HS6ST2: variants seen among roughly 807,000 people sequenced by gnomAD.
HS6ST2 encodes heparan sulfate 6-O-sulfotransferase 2.
In HS6ST2, 17 loss-of-function variants were observed where a neutral mutation model predicts 33.0. The observed-to-expected ratio is 0.52, with a 90% CI of 0.35 to 0.77. The LOEUF (loss-of-function observed/expected upper bound fraction) is 0.77, where lower values mean the gene tolerates loss of function less well. HS6ST2 is among the 30% of genes least tolerant of loss of function. The pLI is 0.01. For missense variants in HS6ST2, 519 were observed against 551.7 expected (o/e 0.94, Z 0.59); for synonymous variants, 248 against 237.1 (o/e 1.05, Z -0.42).
chrX:132,957,350 C>G (rs763832187), intron 1 of HS6ST2, 24 bp from the exon 2 acceptor site: 5 of 1,141,861 alleles, frequency 4.4e-6, no homozygotes, highest in Admixed American at 2.8e-5. Flanking sequence ...AAGCTCGTTA[C>G]GTCAATCCCG....
At chrX:132,719,727 G>A (rs1266843532) in intron 2 of HS6ST2, among the ~76,000 whole-genome samples, 1 of 112,088 alleles carries the variant, frequency 8.9e-6, no homozygotes, top group Non-Finnish European at 1.9e-5. Context: ...TTTTGCAATT[G>A]TAAGGAACAT....
intron 2 of HS6ST2, among the ~76,000 whole-genome samples, chrX:132,895,680 T>C (rs969706425): frequency 4.5e-5 from 5 of 111,528 alleles, no homozygotes; most frequent in African/African-American, 9.8e-5. Context: ...TGCTCAATGA[T>C]GATACTGACA....
intron 2 of HS6ST2, among the ~76,000 whole-genome samples, chrX:132,740,120 T>G (rs2064555679): frequency 8.9e-6 from 1 of 112,164 alleles, no homozygotes; most frequent in Non-Finnish European, 1.9e-5. Context: ...CCAGCAGTAG[T>G]GTAGAAAAAC....
chrX:132,637,876 ATATATATATAATATT>A (rs2063569668), intron 4 of HS6ST2, among the ~76,000 whole-genome samples: 1 of 33,759 alleles, frequency 3.0e-5, no homozygotes, highest in African/African-American at 3.5e-4. Context: ...ATTATATATA[ATATATATATAATATT>A]TTATATATAA....
At chrX:132,783,738 T>C (rs1415150042) in intron 2 of HS6ST2, among the ~76,000 whole-genome samples, 1 of 110,709 alleles carries the variant, frequency 9.0e-6, no homozygotes, top group Non-Finnish European at 1.9e-5. Context: ...CAGGAAGCCC[T>C]CTCCAGCAAG....
chrX:132,697,910 A>G (rs1486050189), intron 3 of HS6ST2, among the ~76,000 whole-genome samples: 1 of 111,911 alleles, frequency 8.9e-6, no homozygotes, highest in Admixed American at 9.5e-5. Flanking sequence ...ACGTCACACT[A>G]AAGATGTAAT....
intron 2 of HS6ST2, among the ~76,000 whole-genome samples, chrX:132,753,566 C>T (rs1357939217): frequency 5.3e-5 from 6 of 112,308 alleles, no homozygotes; most frequent in Non-Finnish European, 1.1e-4. Context: ...GACTTTGCTT[C>T]TCCTTTGCCT....
At chrX:132,919,673 C>T (rs1472831375) in intron 2 of HS6ST2, among the ~76,000 whole-genome samples, 1 of 111,680 alleles carries the variant, frequency 9.0e-6, no homozygotes, top group Non-Finnish European at 1.9e-5. Context: ...CATTTTGTCC[C>T]TCACTCTTGA....
chrX:132,858,977 G>A (rs993134679), intron 2 of HS6ST2, among the ~76,000 whole-genome samples: 1 of 112,280 alleles, frequency 8.9e-6, no homozygotes, highest in African/African-American at 3.2e-5. Context: ...TTCTCGGCCA[G>A]GTGTCTTTGT....
At chrX:132,713,313 G>A (rs1298008067) in intron 2 of HS6ST2, among the ~76,000 whole-genome samples, 2 of 111,133 alleles carry the variant, frequency 1.8e-5, no homozygotes, top group South Asian at 3.9e-4. Flanking sequence ...CATACAATAC[G>A]TTTTAGGCAT....
At chrX:132,868,340 CT>C (rs2066015373) in intron 2 of HS6ST2, among the ~76,000 whole-genome samples, 1 of 111,894 alleles carries the variant, frequency 8.9e-6, no homozygotes, top group South Asian at 3.7e-4. Context: ...TAGTGGGAGA[CT>C]TTAACACCTC....
At chrX:132,935,224 T>C (rs1193784292) in intron 2 of HS6ST2, among the ~76,000 whole-genome samples, 3 of 167 alleles carry the variant, frequency 0.018, no homozygotes, top group Non-Finnish European at 0.023. Flanking sequence ...AATGGAGAAA[T>C]AGAAGTCTAA....
chrX:132,689,054 C>G (rs1187033876), intron 3 of HS6ST2, among the ~76,000 whole-genome samples: 1 of 112,193 alleles, frequency 8.9e-6, no homozygotes. Flanking sequence ...TGATCCTCAA[C>G]CCCTTCATTT....
At chrX:132,841,803 A>C (rs754064629) in intron 2 of HS6ST2, among the ~76,000 whole-genome samples, 1 of 112,127 alleles carries the variant, frequency 8.9e-6, no homozygotes, top group Non-Finnish European at 1.9e-5. Context: ...AAAATTAGTC[A>C]ATTATTTTTA....
chrX:132,828,443 T>C lies in HS6ST2; in HGVS notation c.948-119949A>G, dbSNP rs1257996504. On this transcript the variant is annotated intron_variant, in intron 2 of 4. Coordinates refer to ENST00000370833, the MANE Select transcript of HS6ST2 (RefSeq NM_001394073.1). ...GAAATAAAGACTGTGCATATCTTCT[T>C]GAGCCTGCCAATGTAAGGTGGCAGA... Among the ~76,000 whole-genome samples the C allele has an allele frequency of 8.2e-5, 9 of 109,199 alleles. No homozygotes were observed. In the Admixed American group the frequency reaches 8.9e-4, roughly 11 times the overall value. 94.8% of individuals were successfully genotyped at this position (109,199 alleles called of 115,157 possible). A position where few individuals can be genotyped will look rare whatever the true frequency, so the allele number is the denominator to read the frequency against.
chrX:132,637,809 TTATTTTATATATATAATATTATATATA>T lies in HS6ST2; in HGVS notation c.1068-8743_1068-8717del, dbSNP rs1569475888. ...TATTTTATATATATAATATTATATATTATTTTATATATATAATATTATATATAATATTTTATATATAATATATATATA... is the reference window on the plus strand; with the variant it reads ...TATTTTATATATATAATATTATATATATATTTTATATATAATATATATATA... On this transcript the variant is annotated intron_variant, in intron 4 of 4. Coordinates refer to ENST00000370833, the MANE Select transcript of HS6ST2 (RefSeq NM_001394073.1). 1.2e-3 allele frequency among the ~76,000 whole-genome samples: 76 copies of T among 62,693 alleles called. 1 individual carries two copies. Among genetic ancestry groups the T allele is most frequent in the African/African-American group, 4.8e-3 (69 of 14,435 alleles). 54.4% of individuals were successfully genotyped at this position (62,693 alleles called of 115,157 possible). A position where few individuals can be genotyped will look rare whatever the true frequency, so the allele number is the denominator to read the frequency against.
intron 3 of HS6ST2, among the ~76,000 whole-genome samples, chrX:132,691,284 G>C (rs2064061839): frequency 8.9e-6 from 1 of 111,879 alleles, no homozygotes; most frequent in African/African-American, 3.3e-5. Flanking sequence ...TGATCTCTAA[G>C]GGTTTGGGCT....
intron 2 of HS6ST2, among the ~76,000 whole-genome samples, chrX:132,892,940 C>T (rs755234238): frequency 1.4e-4 from 16 of 112,288 alleles, no homozygotes; most frequent in African/African-American, 4.8e-4. Flanking sequence ...AATGTAAATG[C>T]TATATAAACA....
chrX:132,932,360 A>G (rs941657462), intron 2 of HS6ST2, among the ~76,000 whole-genome samples: 1 of 111,671 alleles, frequency 9.0e-6, no homozygotes, highest in African/African-American at 3.3e-5. Flanking sequence ...TATCAGGGAA[A>G]GACCCAAAGA....
Sources: gnomAD v4.1 joint callset for allele counts (sites outside exome capture counted in the v4.1 genomes callset) on GRCh38, gnomAD v4.1.1 for gene constraint, MANE v1.5 for transcripts, NCBI Gene and HGNC (gene_info 2026-07-23, HGNC 2026-07-21) for gene names.